Variants in EEFSEC observed in about 807,000 individuals in gnomAD.
EEFSEC encodes the protein eukaryotic elongation factor, selenocysteine-tRNA specific.
Under a neutral mutation model 42.1 loss-of-function variants are expected in EEFSEC, and 43 were observed. The ratio of observed to expected loss-of-function variants is 1.02; its 90% CI spans 0.80 to 1.32. The LOEUF is 1.32. Ranked by LOEUF, EEFSEC falls within the 40% of genes most tolerant of loss-of-function variation. EEFSEC has a pLI of 0.00. For missense variants in EEFSEC, 745 were observed against 803.6 expected (o/e 0.93, Z 0.88); for synonymous variants, 354 against 339.1 (o/e 1.04, Z -0.48).
chr3:128,328,583 A>G (rs1161817385), intron 4 of EEFSEC, among the ~76,000 whole-genome samples: 1 of 152,222 alleles, frequency 6.6e-6, no homozygotes, highest in Non-Finnish European at 1.5e-5. Context: ...ATAAACAGAA[A>G]TTATGAGCAA....
chr3:128,203,880 A>C lies in EEFSEC; in HGVS notation c.317-42956A>C, dbSNP rs555767638. Among the ~76,000 whole-genome samples the C allele has an allele frequency of 2.0e-5, 3 of 152,364 alleles. No homozygotes were observed. The East Asian group carries it at 5.8e-4, about 29-fold the overall frequency. ...GATAGGAAACCTGGTTTTGGAATAA[A>C]TCAATAATCCCAGGAATTCTTAACA... On this transcript the variant is annotated intron_variant, in intron 1 of 6. Transcript: ENST00000254730.
intron 4 of EEFSEC, among the ~76,000 whole-genome samples, chr3:128,280,158 A>G (rs116726962): frequency 2.7e-3 from 408 of 152,362 alleles, no homozygotes; most frequent in Non-Finnish European, 4.7e-3. Flanking sequence ...AACTGTCTGC[A>G]TATGTTTGTA....
the EEFSEC span, among the ~76,000 whole-genome samples, chr3:128,421,506 T>C: frequency 6.6e-6 from 1 of 152,196 alleles, no homozygotes; most frequent in African/African-American, 2.4e-5. Flanking sequence ...TCTGGGTCTG[T>C]CCCTGCACCC....
chr3:128,397,854 T>G (rs2068000477), intron 6 of EEFSEC, among the ~76,000 whole-genome samples: 1 of 152,242 alleles, frequency 6.6e-6, no homozygotes, highest in African/African-American at 2.4e-5. Context: ...TCCCTACTGA[T>G]TCCTCCTCCT....
At chr3:128,270,022 C>G (rs962785435) in intron 4 of EEFSEC, among the ~76,000 whole-genome samples, 5 of 152,192 alleles carry the variant, frequency 3.3e-5, no homozygotes, top group Non-Finnish European at 4.4e-5. Context: ...TGTCCACAGG[C>G]AAGTCAGTCA....
intron 6 of EEFSEC, among the ~76,000 whole-genome samples, chr3:128,386,489 G>GGGGGA (rs2067839767): frequency 1.3e-5 from 2 of 152,028 alleles, no homozygotes; most frequent in Admixed American, 6.6e-5. Flanking sequence ...GTGGGGGGGG[G>GGGGGA]ATGCAGTGAC....
chr3:128,193,876 A>G (rs1416680746), intron 1 of EEFSEC, among the ~76,000 whole-genome samples: 1 of 152,192 alleles, frequency 6.6e-6, no homozygotes, highest in Non-Finnish European at 1.5e-5. Flanking sequence ...TTCCTCTGGC[A>G]TGGGAGGACA....
intron 1 of EEFSEC, among the ~76,000 whole-genome samples, chr3:128,191,125 T>G (rs1308451428): frequency 6.6e-6 from 1 of 152,180 alleles, no homozygotes; most frequent in Non-Finnish European, 1.5e-5. Context: ...AGAATGTATC[T>G]TCATCATTAA....
intron 2 of EEFSEC, among the ~76,000 whole-genome samples, chr3:128,257,344 A>C (rs2066251413): frequency 6.6e-6 from 1 of 152,320 alleles, no homozygotes; most frequent in East Asian, 1.9e-4. Flanking sequence ...CTCTTTGCTC[A>C]GATGCTCTCC....
At chr3:128,185,192 G>A (rs2065452228) in intron 1 of EEFSEC, among the ~76,000 whole-genome samples, 1 of 152,080 alleles carries the variant, frequency 6.6e-6, no homozygotes, top group Non-Finnish European at 1.5e-5. Flanking sequence ...AATATTTAAT[G>A]TTTGATTATA....
At chr3:128,292,815 T>G (rs1044214720) in intron 4 of EEFSEC, among the ~76,000 whole-genome samples, 2 of 152,034 alleles carry the variant, frequency 1.3e-5, no homozygotes, top group Non-Finnish European at 1.5e-5. Flanking sequence ...TTCTCCTCTT[T>G]ATTATTTCCT....
intron 6 of EEFSEC, among the ~76,000 whole-genome samples, chr3:128,379,855 A>G (rs552540534): frequency 3.4e-4 from 52 of 152,302 alleles, no homozygotes; most frequent in African/African-American, 8.4e-4. Context: ...CACACACCCA[A>G]TGCTTTTCCA....
At chr3:128,322,850 C>T (rs2108041294) in intron 4 of EEFSEC, among the ~76,000 whole-genome samples, 1 of 152,306 alleles carries the variant, frequency 6.6e-6, no homozygotes, top group African/African-American at 2.4e-5. Context: ...ACCTTTGCCC[C>T]TGCTGGTCCT....
chr3:128,395,329 G>A (rs980320373), intron 6 of EEFSEC, among the ~76,000 whole-genome samples: 3 of 152,184 alleles, frequency 2.0e-5, no homozygotes, highest in South Asian at 2.1e-4. Flanking sequence ...ACTCCTGCCT[G>A]ACCCACTGCT....
chr3:128,284,910 GTT>G (rs34887760), intron 4 of EEFSEC, among the ~76,000 whole-genome samples: 1 of 143,994 alleles, frequency 6.9e-6, no homozygotes, highest in Admixed American at 6.9e-5. Flanking sequence ...ATGCTTTAAC[GTT>G]TTTTTTTTTT....
intron 1 of EEFSEC, among the ~76,000 whole-genome samples, chr3:128,234,379 T>C (rs2065987525): frequency 6.6e-6 from 1 of 152,170 alleles, no homozygotes; most frequent in Non-Finnish European, 1.5e-5. Flanking sequence ...AAGCTTTTTA[T>C]TTCAAAGTCA....
At chr3:128,331,899 C>T in intron 4 of EEFSEC, among the ~76,000 whole-genome samples, 1 of 152,056 alleles carries the variant, frequency 6.6e-6, no homozygotes, top group East Asian at 1.9e-4. Flanking sequence ...TCTAGTAAAA[C>T]TGAAACTGTG....
chr3:128,409,779 G>A (rs750338851), downstream of EEFSEC, among the ~76,000 whole-genome samples: 20 of 152,238 alleles, frequency 1.3e-4, no homozygotes, highest in Non-Finnish European at 2.8e-4. Context: ...TGGGACTGCA[G>A]TGGCCCCTCT....
At chr3:128,248,856 G>A (rs2066154974) in intron 2 of EEFSEC, among the ~76,000 whole-genome samples, 1 of 152,220 alleles carries the variant, frequency 6.6e-6, no homozygotes, top group Admixed American at 6.5e-5. Flanking sequence ...CTATTTTAGT[G>A]TATTGATTGA....
Sources: allele counts gnomAD v4.1 joint callset (sites outside exome capture counted in the v4.1 genomes callset), GRCh38; gene constraint gnomAD v4.1.1; transcripts MANE v1.5; gene names NCBI Gene and HGNC (gene_info 2026-07-23, HGNC 2026-07-21).